The following SAMD3 variants were observed in gnomAD, a reference collection of about 807,000 sequenced individuals.
SAMD3 encodes sterile alpha motif domain-containing protein 3.
In SAMD3, 63 loss-of-function variants were observed where a neutral mutation model predicts 58.5. The ratio of observed to expected loss-of-function variants is 1.08; its 90% confidence interval spans 0.88 to 1.33. The LOEUF is 1.33. SAMD3 is among the 40% of genes most tolerant of loss of function. SAMD3 has a pLI of 0.00. For missense variants in SAMD3, 604 were observed against 608.4 expected (o/e 0.99, Z 0.08); for synonymous variants, 220 against 210.3 (o/e 1.05, Z -0.40).
At chr6:130,297,931 A>G (rs1394293044) in intron 2 of SAMD3, among the ~76,000 whole-genome samples, 2 of 152,230 alleles carry the variant, frequency 1.3e-5, no homozygotes, top group African/African-American at 4.8e-5. Context: ...GAGAAAAAAG[A>G]AAAAGCAAGC....
chr6:130,154,739 A>G (rs1157939490), intron 9 of SAMD3, 86 bp downstream of exon 9: 8 of 239,174 alleles, frequency 3.3e-5, no homozygotes, highest in Admixed American at 5.8e-5. Flanking sequence ...ATATATATAT[A>G]TATGTATGTA....
chr6:130,184,500 G>A lies in SAMD3; in HGVS notation c.507C>T (p.Ser169=). Residue 169 remains serine, a synonymous_variant, in exon 6 of 12, where the codon AGC becomes AGT. Transcript: ENST00000439090. ...GAAACTCAATGATCCTTATCCTCAT[G>A]CTGTGATCCGGGCACTTCTGCTCTG... is the stretch of plus-strand genomic sequence containing the variant. ...MLAEQKCPDH[S]MRIRIIEFLQ... is the part of the protein sequence containing the mutation. The A allele has an allele frequency of 1.2e-6, 2 of 1,614,158 alleles. No individual in the cohort carries two copies. Among genetic ancestry groups the A allele is most frequent in the Non-Finnish European group, 1.7e-6 (2 of 1,180,008 alleles).
chr6:130,229,664 C>A (rs1281858491), intron 2 of SAMD3, among the ~76,000 whole-genome samples: 1 of 152,138 alleles, frequency 6.6e-6, no homozygotes, highest in African/African-American at 2.4e-5. Context: ...GCATTTGTCA[C>A]CTAGGAATAA....
chr6:130,363,601 T>A (rs1328424056), intron 1 of SAMD3, among the ~76,000 whole-genome samples: 1 of 152,196 alleles, frequency 6.6e-6, no homozygotes, highest in African/African-American at 2.4e-5. Context: ...ATTATACACA[T>A]CATTTCATTC....
At chr6:130,209,991 A>G (rs1582935767) in intron 4 of SAMD3, among the ~76,000 whole-genome samples, 1 of 152,216 alleles carries the variant, frequency 6.6e-6, no homozygotes, top group South Asian at 2.1e-4. Context: ...GCTCTCTGCC[A>G]TTTTGGGAGA....
At chr6:130,299,284 A>G (rs2114973132) in intron 2 of SAMD3, among the ~76,000 whole-genome samples, 1 of 152,294 alleles carries the variant, frequency 6.6e-6, no homozygotes. Context: ...ACCACAGTGA[A>G]GTAAAATTAT....
chr6:130,299,119 A>G (rs971439102), intron 2 of SAMD3, among the ~76,000 whole-genome samples: 1 of 152,188 alleles, frequency 6.6e-6, no homozygotes, highest in African/African-American at 2.4e-5. Flanking sequence ...GACCTAATAG[A>G]CATCTACAGA....
At chr6:130,349,689 A>G (rs1250289535) in intron 1 of SAMD3, among the ~76,000 whole-genome samples, 1 of 152,256 alleles carries the variant, frequency 6.6e-6, no homozygotes, top group Non-Finnish European at 1.5e-5. Flanking sequence ...CAATCAATAG[A>G]AAAAGAGGGA....
chr6:130,337,495 C>T (rs74364572), intron 1 of SAMD3, among the ~76,000 whole-genome samples: 2 of 152,018 alleles, frequency 1.3e-5, no homozygotes, highest in African/African-American at 4.8e-5. Context: ...GGGAATGGTA[C>T]CCCCTGCCTT....
intron 1 of SAMD3, among the ~76,000 whole-genome samples, chr6:130,317,735 A>AAT (rs1244661981): frequency 6.6e-6 from 1 of 152,240 alleles, no homozygotes; most frequent in Non-Finnish European, 1.5e-5. Context: ...AAAAATATAC[A>AAT]AAACAGCAGT....
chr6:130,351,026 T>G (rs1324591468), intron 1 of SAMD3, among the ~76,000 whole-genome samples: 1 of 152,104 alleles, frequency 6.6e-6, no homozygotes, highest in Non-Finnish European at 1.5e-5. Flanking sequence ...TAGCCATATG[T>G]AGAAAGCTGA....
intron 5 of SAMD3, among the ~76,000 whole-genome samples, chr6:130,201,562 C>A (rs1453912877): frequency 6.6e-6 from 1 of 152,130 alleles, no homozygotes; most frequent in Non-Finnish European, 1.5e-5. Flanking sequence ...TCCTGTAAGT[C>A]CACTAGGTGA....
chr6:130,211,276 ATT>A (rs762531402), intron 4 of SAMD3, among the ~76,000 whole-genome samples: 22 of 93,846 alleles, frequency 2.3e-4, no homozygotes, highest in African/African-American at 8.9e-4. Flanking sequence ...GCCAATCAGA[ATT>A]TTTTTTTTTT....
At chr6:130,257,718 ATG>A (rs1398591158) in intron 2 of SAMD3, among the ~76,000 whole-genome samples, 4 of 152,302 alleles carry the variant, frequency 2.6e-5, no homozygotes, top group Non-Finnish European at 5.9e-5. Context: ...ACACAGCAAA[ATG>A]TACAAATTTT....
Position 130,214,454 on chromosome 6 carries a change from C to A in SAMD3, c.152G>T (p.Gly51Val). The change falls in exon 4 of 12, where the codon GGG becomes GTG. Residue 51 changes from glycine to valine, a missense_variant. By Grantham distance (109) the Gly-to-Val change is moderately radical. Transcript: ENST00000439090. The part of the protein sequence containing the change: ...RMVQQLVKKI[G>V]HQAVLMDLIK... ...TAAATCCATCAGAACAGCCTGGTGC[C>A]CAATTTTCTTTACCAGTTGCTGAAC... is the stretch of plus-strand genomic sequence containing the variant. The A allele has an allele frequency of 6.2e-7, 1 of 1,612,984 alleles. No individual in the cohort carries two copies. The highest frequency in any genetic ancestry group is 8.5e-7 in the Non-Finnish European group (1 of 1,179,484).
At chr6:130,229,341 TGTC>T (rs1796475323) in intron 2 of SAMD3, among the ~76,000 whole-genome samples, 1 of 152,184 alleles carries the variant, frequency 6.6e-6, no homozygotes, top group African/African-American at 2.4e-5. Flanking sequence ...GCAGCGCCCA[TGTC>T]GTAGACTTCA....
At position 130,319,125 on chromosome 6, in the gene SAMD3, A is replaced by C. The variant is rs576919617; in HGVS notation, c.-303-6032T>G. Among the ~76,000 whole-genome samples, 6 of 152,284 alleles carry C rather than the reference A, an allele frequency of 3.9e-5. No individual in the cohort carries two copies. The South Asian group carries it at 1.2e-3, about 32-fold the overall frequency. ...CCAAGAAGGAAAAAATCCTGAACGA[A>C]TCAATAAAGCATCAGTGGGTTGTGA... On this transcript the variant is annotated intron_variant, in intron 1 of 13. Transcript: ENST00000368134.
At chr6:130,363,323 C>T (rs1479215029) in intron 1 of SAMD3, among the ~76,000 whole-genome samples, 1 of 152,174 alleles carries the variant, frequency 6.6e-6, no homozygotes, top group African/African-American at 2.4e-5. Context: ...TGTTACATGA[C>T]CTCTTAAGAA....
intron 8 of SAMD3, among the ~76,000 whole-genome samples, chr6:130,172,455 C>A (rs1791340613): frequency 1.3e-5 from 2 of 152,174 alleles, no homozygotes; most frequent in Non-Finnish European, 2.9e-5. Context: ...TATTTCTCCT[C>A]CACATATGAA....
Sources: allele counts gnomAD v4.1 joint callset (sites outside exome capture counted in the v4.1 genomes callset), GRCh38; gene constraint gnomAD v4.1.1; transcripts MANE v1.5; gene names NCBI Gene and HGNC (gene_info 2026-07-23, HGNC 2026-07-21).